Variants in ADK observed in about 807,000 individuals in gnomAD.
ADK encodes N6,N6-dimethyladenosine kinase.
ADK carries 24 observed loss-of-function variants against 44.7 expected under a neutral mutation model. The ratio of observed to expected loss-of-function variants is 0.54; its 90% CI spans 0.39 to 0.76. ADK has a LOEUF of 0.76. Ranked by LOEUF, ADK falls within the 30% of genes least tolerant of loss-of-function variation. The pLI is 0.00. For missense variants in ADK, 321 were observed against 425.1 expected, an observed-to-expected ratio of 0.76 and a Z score of 2.15; for synonymous variants, 128 against 142.6, an observed-to-expected ratio of 0.90 and a Z score of 0.73.
chr10:74,250,488 G>A (rs1174265102), intron 3 of ADK, among the ~76,000 whole-genome samples: 1 of 152,130 alleles, frequency 6.6e-6, no homozygotes, highest in Non-Finnish European at 1.5e-5. Context: ...GGTTCAGGCC[G>A]AATTGTGAAA....
intron 6 of ADK, among the ~76,000 whole-genome samples, chr10:74,492,684 G>C (rs1051512551): frequency 2.0e-5 from 3 of 152,048 alleles, no homozygotes; most frequent in African/African-American, 4.8e-5. Flanking sequence ...AGTATAGGCT[G>C]CTTATTTTGT....
At chr10:74,354,080 G>A (rs1012207938) in intron 4 of ADK, among the ~76,000 whole-genome samples, 1 of 152,122 alleles carries the variant, frequency 6.6e-6, no homozygotes, top group African/African-American at 2.4e-5. Context: ...ATTGGTATAC[G>A]AATTATAACA....
chr10:74,220,990 A>C (rs1191661803), intron 2 of ADK, among the ~76,000 whole-genome samples: 1 of 149,798 alleles, frequency 6.7e-6, no homozygotes, highest in East Asian at 1.9e-4. Context: ...CACCACTCCT[A>C]TTCAACATAG....
At chr10:74,670,785 G>A (rs7098277) in intron 10 of ADK, among the ~76,000 whole-genome samples, 122,411 of 152,070 alleles carry the variant, frequency 0.8, 49,611 homozygotes, top group African/African-American at 0.89. Context: ...CAAATTTTAT[G>A]TGAACTAATG....
chr10:74,412,104 A>G (rs1372044234), intron 6 of ADK, among the ~76,000 whole-genome samples: 3 of 152,174 alleles, frequency 2.0e-5, no homozygotes, highest in Non-Finnish European at 4.4e-5. Flanking sequence ...GAAGCCCTCA[A>G]AGTCATCCAT....
chr10:74,599,779 T>C (rs562641885), intron 8 of ADK, among the ~76,000 whole-genome samples: 1 of 152,328 alleles, frequency 6.6e-6, no homozygotes, highest in Non-Finnish European at 1.5e-5. Flanking sequence ...ACTTTATCTT[T>C]TTTAAAGAAA....
chr10:74,166,684 C>T (rs1363755429), intron 1 of ADK, among the ~76,000 whole-genome samples: 1 of 78,348 alleles, frequency 1.3e-5, no homozygotes, highest in Non-Finnish European at 2.5e-5. Flanking sequence ...GAGACTCCGT[C>T]TCAAAAAAAA....
intron 7 of ADK, among the ~76,000 whole-genome samples, chr10:74,565,621 G>T (rs1380105721): frequency 6.6e-6 from 1 of 151,770 alleles, no homozygotes; most frequent in African/African-American, 2.4e-5. Context: ...CAGCTACTGG[G>T]GAGGCTGAGG....
intron 4 of ADK, among the ~76,000 whole-genome samples, chr10:74,387,840 A>T (rs914687227): frequency 6.6e-6 from 1 of 152,180 alleles, no homozygotes; most frequent in Non-Finnish European, 1.5e-5. Flanking sequence ...TACAAATATA[A>T]TAATAGAAAC....
intron 7 of ADK, among the ~76,000 whole-genome samples, chr10:74,554,209 C>G (rs1850151948): frequency 6.6e-6 from 1 of 151,954 alleles, no homozygotes; most frequent in South Asian, 2.1e-4. Flanking sequence ...CCCTCCTGTC[C>G]TTTTTTTATT....
chr10:74,577,459 AT>A (rs200103225), intron 7 of ADK, among the ~76,000 whole-genome samples: 3 of 151,148 alleles, frequency 2.0e-5, no homozygotes, highest in South Asian at 2.1e-4. Context: ...TTTATTAAAG[AT>A]TTTTTTTTCT....
intron 6 of ADK, among the ~76,000 whole-genome samples, chr10:74,524,495 C>G (rs1038101557): frequency 6.6e-6 from 1 of 152,146 alleles, no homozygotes; most frequent in South Asian, 2.1e-4. Context: ...TGGGCTATAG[C>G]AATCCTCCCG....
At chr10:74,576,691 A>G (rs947296646) in intron 7 of ADK, among the ~76,000 whole-genome samples, 4 of 152,130 alleles carry the variant, frequency 2.6e-5, no homozygotes, top group Non-Finnish European at 5.9e-5. Context: ...TTAATTTTAC[A>G]TCTCATCTGT....
intron 6 of ADK, among the ~76,000 whole-genome samples, chr10:74,469,399 A>T (rs992383259): frequency 2.6e-5 from 4 of 152,060 alleles, no homozygotes; most frequent in African/African-American, 9.7e-5. Context: ...TCACTGTGTC[A>T]CCCAGAACTG....
intron 8 of ADK, among the ~76,000 whole-genome samples, chr10:74,590,438 A>G (rs1053680907): frequency 1.3e-5 from 2 of 152,152 alleles, no homozygotes; most frequent in African/African-American, 4.8e-5. Context: ...CAGCAAAGTA[A>G]TACATGTTCA....
At chr10:74,404,001 T>TA (rs1367546905) in intron 6 of ADK, among the ~76,000 whole-genome samples, 1 of 152,140 alleles carries the variant, frequency 6.6e-6, no homozygotes, top group Admixed American at 6.5e-5. Context: ...GCCTCCCAAG[T>TA]AGCTGGGACT....
chr10:74,708,683 C>G lies in ADK; in HGVS notation c.*238C>G. The G allele has an allele frequency of 2.5e-6, 1 of 400,640 alleles. No homozygotes were observed. 24.8% of individuals were successfully genotyped at this position (400,640 alleles called of 1,614,324 possible). The stretch of plus-strand genomic sequence containing the variant: ...TAGTGCCACTTAAATGCCAATTAAA[C>G]AAGAATATAACATTTCAATAGAAAT... On this transcript the variant is annotated 3_prime_UTR_variant, in exon 11 of 11. Transcript: ENST00000539909.
chr10:74,301,223 C>G (rs1564641539), intron 3 of ADK, among the ~76,000 whole-genome samples: 1 of 151,982 alleles, frequency 6.6e-6, no homozygotes. Context: ...TGATTGATAA[C>G]AGTAACTTTG....
rs577936385 is a variant in ADK, at chr10:74,338,822, T to C, written c.273+24077T>C. ...GGAGTTGCAGGAGAGGGCTTCTTTG[T>C]GGTGATGGAATAGTTCTGTGTCTTA... On this transcript the variant is annotated intron_variant, in intron 4 of 10. Coordinates refer to ENST00000539909, the MANE Select transcript of ADK (RefSeq NM_006721.4). Among the ~76,000 whole-genome samples, 4 of 152,302 alleles carry C rather than the reference T, an allele frequency of 2.6e-5. No individual in the cohort carries two copies. The South Asian group carries it at 8.3e-4, about 32-fold the overall frequency.
Sources: allele counts gnomAD v4.1 joint callset (sites outside exome capture counted in the v4.1 genomes callset), GRCh38; gene constraint gnomAD v4.1.1; transcripts MANE v1.5; gene names NCBI Gene and HGNC (gene_info 2026-07-23, HGNC 2026-07-21).